Variants in UNC5C observed in about 807,000 individuals in gnomAD.
The protein encoded by UNC5C is netrin receptor UNC5C.
Under a neutral mutation model 99.8 loss-of-function variants are expected in UNC5C, and 47 were observed. The observed-to-expected ratio is 0.47, with a 90% CI of 0.37 to 0.60. The LOEUF is 0.60. Among genes scored for constraint, UNC5C ranks in the 20% least tolerant of loss-of-function variants. UNC5C has a pLI of 0.00. For synonymous variants in UNC5C, 487 were observed against 452.2 expected, an observed-to-expected ratio of 1.08 and a Z score of -0.98; for missense variants, 1,062 against 1,165.9, an observed-to-expected ratio of 0.91 and a Z score of 1.30.
chr4:95,287,176 G>A (rs1741266796), intron 3 of UNC5C, among the ~76,000 whole-genome samples: 1 of 152,168 alleles, frequency 6.6e-6, no homozygotes, highest in South Asian at 2.1e-4. Flanking sequence ...TAGTAGGATT[G>A]CATACATAAC....
At chr4:95,277,792 G>A (rs966851690) in intron 4 of UNC5C, among the ~76,000 whole-genome samples, 2 of 152,276 alleles carry the variant, frequency 1.3e-5, no homozygotes, top group South Asian at 4.1e-4. Flanking sequence ...TTTATGCAAG[G>A]TGTGTGGGCA....
At chr4:95,214,315 T>C (rs1197934372) in intron 10 of UNC5C, among the ~76,000 whole-genome samples, 1 of 152,250 alleles carries the variant, frequency 6.6e-6, no homozygotes, top group Non-Finnish European at 1.5e-5. Flanking sequence ...TTTTCCTAGC[T>C]TCATTTTTAT....
intron 1 of UNC5C, among the ~76,000 whole-genome samples, chr4:95,346,940 TA>T (rs1560797385): frequency 6.6e-6 from 1 of 151,528 alleles, no homozygotes; most frequent in Non-Finnish European, 1.5e-5. Flanking sequence ...AGAAAAAAAA[TA>T]AAGGGCATCT....
At chr4:95,218,669 T>C (rs1157040091) in intron 9 of UNC5C, among the ~76,000 whole-genome samples, 1 of 152,228 alleles carries the variant, frequency 6.6e-6, no homozygotes, top group Non-Finnish European at 1.5e-5. Flanking sequence ...TGTGGCTTGA[T>C]GTTGCCTTCT....
intron 7 of UNC5C, among the ~76,000 whole-genome samples, chr4:95,229,433 T>C (rs959939133): frequency 1.3e-5 from 2 of 152,234 alleles, no homozygotes; most frequent in Non-Finnish European, 2.9e-5. Flanking sequence ...GCTTCATTCA[T>C]GTCCCTGCAA....
intron 14 of UNC5C, among the ~76,000 whole-genome samples, 154 bp from the exon 15 acceptor site, chr4:95,170,486 G>C (rs2149343475): frequency 6.6e-6 from 1 of 152,318 alleles, no homozygotes; most frequent in East Asian, 1.9e-4. Flanking sequence ...TAGCCTGAAA[G>C]TTGTGCATCA....
chr4:95,437,131 A>C (rs1746819467), intron 1 of UNC5C, among the ~76,000 whole-genome samples: 1 of 151,990 alleles, frequency 6.6e-6, no homozygotes, highest in Non-Finnish European at 1.5e-5. Flanking sequence ...AGTCAGTAAA[A>C]GCATAGCTGA....
chr4:95,443,467 G>T (rs1271887061), intron 1 of UNC5C, among the ~76,000 whole-genome samples: 2 of 152,088 alleles, frequency 1.3e-5, no homozygotes, highest in Non-Finnish European at 2.9e-5. Context: ...ATGACTGAGG[G>T]TCTCTGTTAC....
chr4:95,546,567 C>T (rs1723074449), intron 1 of UNC5C, among the ~76,000 whole-genome samples: 1 of 152,126 alleles, frequency 6.6e-6, no homozygotes, highest in South Asian at 2.1e-4. Flanking sequence ...TAATCAAAAA[C>T]TGAAGGAACT....
intron 1 of UNC5C, among the ~76,000 whole-genome samples, chr4:95,529,263 A>G (rs1232964068): frequency 6.7e-6 from 1 of 148,574 alleles, no homozygotes; most frequent in Non-Finnish European, 1.5e-5. Context: ...TTGAGAGAAT[A>G]CATTACATGT....
intron 2 of UNC5C, among the ~76,000 whole-genome samples, chr4:95,315,269 G>C (rs1349850315): frequency 6.6e-6 from 1 of 152,090 alleles, no homozygotes; most frequent in Non-Finnish European, 1.5e-5. Context: ...AAGATGGAAT[G>C]GCTGAAACAT....
In UNC5C at chr4:95,245,222, A is replaced by G. The variant is rs972068909; in HGVS notation, c.776-78T>C. On this transcript the variant is annotated intron_variant, in intron 5 of 15. Transcript: ENST00000453304. ...ACACATGGACACACAAAACAGACAC[A>G]ATATGTAAACAAAGAGTTATTTTCC... is the stretch of plus-strand genomic sequence containing the variant. 2.2e-5 allele frequency: 31 copies of G among 1,405,230 alleles called. No individual in the cohort carries two copies. In the South Asian group the frequency reaches 4.3e-4, roughly 19 times the overall value. 87.0% of individuals were successfully genotyped at this position (1,405,230 alleles called of 1,614,324 possible).
intron 1 of UNC5C, among the ~76,000 whole-genome samples, chr4:95,521,358 A>C (rs1722352978): frequency 1.3e-5 from 2 of 151,242 alleles, no homozygotes; most frequent in Non-Finnish European, 2.9e-5. Context: ...AGCTGGGATT[A>C]CAGGCATGTG....
intron 1 of UNC5C, among the ~76,000 whole-genome samples, chr4:95,533,254 C>T (rs577463956): frequency 4.6e-5 from 7 of 151,830 alleles, no homozygotes; most frequent in African/African-American, 1.7e-4. Context: ...AAAAAATTAG[C>T]TGGGCATGGT....
intron 4 of UNC5C, among the ~76,000 whole-genome samples, chr4:95,274,867 A>G (rs1245671690): frequency 6.6e-6 from 1 of 152,068 alleles, no homozygotes; most frequent in Non-Finnish European, 1.5e-5. Flanking sequence ...CTCTACTAAA[A>G]ATACAAAAAC....
At chr4:95,221,931 C>G (rs1049271070) in intron 7 of UNC5C, among the ~76,000 whole-genome samples, 5 of 152,100 alleles carry the variant, frequency 3.3e-5, no homozygotes, top group African/African-American at 4.8e-5. Flanking sequence ...GTATTTGAAC[C>G]CTGCCCTTTA....
At chr4:95,467,648 G>A (rs990061676) in intron 1 of UNC5C, among the ~76,000 whole-genome samples, 6 of 152,118 alleles carry the variant, frequency 3.9e-5, no homozygotes, top group African/African-American at 1.4e-4. Context: ...TTCCAGGAAA[G>A]TCTCTTAGGA....
chr4:95,545,080 C>T (rs981013333), intron 1 of UNC5C, among the ~76,000 whole-genome samples: 3 of 152,164 alleles, frequency 2.0e-5, no homozygotes, highest in Admixed American at 1.3e-4. Context: ...GAGCTCATGC[C>T]TTGTTCATGT....
At position 95,276,747 on chromosome 4, in the gene UNC5C, C is replaced by T. The variant is rs910129300; in HGVS notation, c.594+1512G>A. Among the ~76,000 whole-genome samples, 12 of 151,964 alleles carry T rather than the reference C, an allele frequency of 7.9e-5. No individual in the cohort carries two copies. In the East Asian group the frequency reaches 1.5e-3, roughly 20 times the overall value. On this transcript the variant is annotated intron_variant, in intron 4 of 15. Coordinates refer to ENST00000453304, the MANE Select transcript of UNC5C (RefSeq NM_003728.4). ...TAAATCATACTGTGTCTTAGTGCTG[C>T]GAGATAAGGTTTTGATGCTGTTGAA...
Sources: allele counts gnomAD v4.1 joint callset (sites outside exome capture counted in the v4.1 genomes callset), GRCh38; gene constraint gnomAD v4.1.1; transcripts MANE v1.5; gene names NCBI Gene and HGNC (gene_info 2026-07-23, HGNC 2026-07-21).